CNTLN: variants seen among roughly 807,000 people sequenced by gnomAD.
CNTLN encodes centlein, centrosomal protein.
In CNTLN, 212 loss-of-function variants were observed where a neutral mutation model predicts 180.0. The observed-to-expected ratio is 1.18, with a 90% CI of 1.05 to 1.32. The LOEUF is 1.32. Ranked by LOEUF, CNTLN falls within the 40% of genes most tolerant of loss-of-function variation. CNTLN has a pLI of 0.00. For missense variants in CNTLN, 2,095 were observed against 1,610.9 expected (o/e 1.30, Z -5.14); for synonymous variants, 722 against 563.1 (o/e 1.28, Z -3.99).
chr9:17,466,202 C>A, intron 22 of CNTLN, 84 bp downstream of exon 22: 1 of 1,211,562 alleles, frequency 8.3e-7, no homozygotes, highest in Admixed American at 2.0e-5. Context: ...CTTTTTCCTT[C>A]CCAAAACCAC....
chr9:17,385,206 C>T (rs928350243), intron 13 of CNTLN, among the ~76,000 whole-genome samples: 5 of 152,214 alleles, frequency 3.3e-5, no homozygotes, highest in African/African-American at 1.2e-4. Flanking sequence ...GAGCATGCCA[C>T]CTTCAGCACC....
At chr9:17,506,643 T>C (rs1833937097), downstream of CNTLN, among the ~76,000 whole-genome samples, 1 of 152,108 alleles carries the variant, frequency 6.6e-6, no homozygotes, top group African/African-American at 2.4e-5. Context: ...AAAATGACCT[T>C]TGGATTTAGA....
chr9:17,442,077 A>G (rs183932939), intron 18 of CNTLN, among the ~76,000 whole-genome samples: 2 of 152,338 alleles, frequency 1.3e-5, no homozygotes, highest in East Asian at 3.9e-4. Context: ...CAGCAACACA[A>G]TAATAGGAGA....
chr9:17,496,604 C>A (rs1216112400), intron 25 of CNTLN, among the ~76,000 whole-genome samples: 1 of 152,184 alleles, frequency 6.6e-6, no homozygotes, highest in African/African-American at 2.4e-5. Flanking sequence ...CAAGGGTCTA[C>A]CTGCTAAATA....
At chr9:17,481,116 C>A (rs1011133050) in intron 23 of CNTLN, among the ~76,000 whole-genome samples, 2 of 152,166 alleles carry the variant, frequency 1.3e-5, no homozygotes, top group African/African-American at 4.8e-5. Flanking sequence ...CCCTACCCAA[C>A]TGTGGGGCAC....
At chr9:17,246,692 G>A (rs917973678) in intron 5 of CNTLN, among the ~76,000 whole-genome samples, 7 of 152,132 alleles carry the variant, frequency 4.6e-5, no homozygotes, top group Non-Finnish European at 7.3e-5. Context: ...GCCTGGAGTC[G>A]GGAAAAGTAG....
intron 8 of CNTLN, among the ~76,000 whole-genome samples, chr9:17,317,044 T>G (rs1210095211): frequency 3.3e-5 from 5 of 152,228 alleles, no homozygotes; most frequent in South Asian, 2.1e-4. Flanking sequence ...AAAAGTGTTT[T>G]TTTTTTTTCT....
At chr9:17,489,599 G>A (rs564960077) in intron 25 of CNTLN, among the ~76,000 whole-genome samples, 1 of 151,962 alleles carries the variant, frequency 6.6e-6, no homozygotes, top group African/African-American at 2.4e-5. Flanking sequence ...TTGTTTGATA[G>A]AATGTCATAT....
intron 10 of CNTLN, among the ~76,000 whole-genome samples, chr9:17,339,973 G>C (rs1821348678): frequency 6.6e-6 from 1 of 151,840 alleles, no homozygotes; most frequent in Non-Finnish European, 1.5e-5. Flanking sequence ...TGGCAACAGA[G>C]TGAGACCCTG....
the CNTLN span, among the ~76,000 whole-genome samples, chr9:17,513,603 G>A: frequency 7.4e-4 from 112 of 152,152 alleles, no homozygotes; most frequent in Middle Eastern, 0.014. Context: ...AGGTTGAAGC[G>A]GGAGGATAGA....
intron 6 of CNTLN, among the ~76,000 whole-genome samples, chr9:17,292,467 A>C (rs1829479488): frequency 6.6e-6 from 1 of 152,096 alleles, no homozygotes; most frequent in Non-Finnish European, 1.5e-5. Flanking sequence ...GTCTTTTTAC[A>C]TAATCCCAAA....
chr9:17,353,423 C>T (rs560886973), intron 12 of CNTLN, among the ~76,000 whole-genome samples: 10 of 151,140 alleles, frequency 6.6e-5, no homozygotes, highest in Non-Finnish European at 1.3e-4. Flanking sequence ...TCTTTATTAT[C>T]GCCAAAATTG....
intron 2 of CNTLN, among the ~76,000 whole-genome samples, chr9:17,221,214 T>G (rs2132049125): frequency 6.6e-6 from 1 of 152,194 alleles, no homozygotes; most frequent in South Asian, 2.1e-4. Context: ...AGTGGTAATT[T>G]GAGATAATAT....
At chr9:17,292,424 C>T (rs537332288) in intron 6 of CNTLN, among the ~76,000 whole-genome samples, 1 of 152,312 alleles carries the variant, frequency 6.6e-6, no homozygotes, top group South Asian at 2.1e-4. Flanking sequence ...TTCTCCCCAT[C>T]TCTTTCAGGT....
At chr9:17,401,943 T>C (rs550768989) in intron 15 of CNTLN, among the ~76,000 whole-genome samples, 1 of 151,770 alleles carries the variant, frequency 6.6e-6, no homozygotes, top group Admixed American at 6.6e-5. Context: ...GATTTAAAGA[T>C]CATCTACAAA....
chr9:17,385,658 A>G (rs1825631880), intron 13 of CNTLN, among the ~76,000 whole-genome samples: 1 of 152,252 alleles, frequency 6.6e-6, no homozygotes, highest in Middle Eastern at 3.4e-3. Flanking sequence ...CAGATCAAAA[A>G]TATTTGAAAA....
chr9:17,416,322 C>T, intron 18 of CNTLN, 133 bp downstream of exon 18: 1 of 656,248 alleles, frequency 1.5e-6, no homozygotes, highest in Non-Finnish European at 2.4e-6. Flanking sequence ...GCACTGTTTA[C>T]TAGTGTAATT....
rs1817626674 is a variant in CNTLN, at chr9:17,135,297, C to T, written c.232C>T (p.Pro78Ser). The T allele has an allele frequency of 1.9e-6, 3 of 1,601,082 alleles. No homozygotes were observed. Among genetic ancestry groups the T allele is most frequent in the South Asian group, 1.1e-5 (1 of 88,342 alleles). Residue 78 changes from proline (P) to serine (S), a missense_variant, in exon 1 of 26, where the codon CCC becomes TCC. Transcript: ENST00000380647. ...TGGGGGGGCAGCTCCGGCTCATGCT[C>T]CCCTCCTCAGCGCGCCCATGGGGTC... ...GPGGAAPAHA[P>S]LLSAPMGSRR...
intron 2 of CNTLN, among the ~76,000 whole-genome samples, chr9:17,194,679 C>T (rs904781377): frequency 6.6e-6 from 1 of 152,194 alleles, no homozygotes. Flanking sequence ...ACTGTTCCAA[C>T]CTTTGTTACC....
Sources: gnomAD v4.1 joint callset for allele counts (sites outside exome capture counted in the v4.1 genomes callset) on GRCh38, gnomAD v4.1.1 for gene constraint, MANE v1.5 for transcripts, NCBI Gene and HGNC (gene_info 2026-07-23, HGNC 2026-07-21) for gene names.